Variants in SGCD observed in about 807,000 individuals in gnomAD.
The protein encoded by SGCD is delta-sarcoglycan.
In SGCD, 18 loss-of-function variants were observed where a neutral mutation model predicts 36.6. The observed-to-expected ratio is 0.49, with a 90% CI of 0.34 to 0.73. The LOEUF (loss-of-function observed/expected upper bound fraction) is 0.73, where lower values mean the gene tolerates loss of function less well. SGCD is among the 30% of genes least tolerant of loss of function. The pLI is 0.01. For missense variants in SGCD, 387 were observed against 346.7 expected, an observed-to-expected ratio of 1.12 and a Z score of -0.92; for synonymous variants, 133 against 130.6, an observed-to-expected ratio of 1.02 and a Z score of -0.12.
chr5:155,782,454 T>C, the SGCD span, among the ~76,000 whole-genome samples: 1 of 152,084 alleles, frequency 6.6e-6, no homozygotes, highest in Non-Finnish European at 1.5e-5. Flanking sequence ...CCTAAATCAC[T>C]CCTAAACCTC....
chr5:155,837,078 G>A, the SGCD span, among the ~76,000 whole-genome samples: 1 of 152,162 alleles, frequency 6.6e-6, no homozygotes, highest in Non-Finnish European at 1.5e-5. Context: ...TATTGTTTGT[G>A]ACATGTTATT....
the SGCD span, among the ~76,000 whole-genome samples, chr5:155,820,610 T>A: frequency 1.3e-5 from 2 of 152,132 alleles, no homozygotes; most frequent in African/African-American, 4.8e-5. Context: ...GGTGGGAGGA[T>A]AGCTTGAGCC....
chr5:155,829,132 G>T, the SGCD span, among the ~76,000 whole-genome samples: 2 of 152,032 alleles, frequency 1.3e-5, no homozygotes, highest in East Asian at 1.9e-4. Flanking sequence ...TAATCAAGAG[G>T]TGAAAAAAAG....
rs115599128 is a variant in SGCD at position 156,487,110 on chromosome 5, C to T, written c.193-21491C>T. Among the ~76,000 whole-genome samples the T allele has an allele frequency of 4.6e-3, 694 of 152,186 alleles. 4 individuals are homozygous for T. The highest frequency in any genetic ancestry group is 0.016 in the African/African-American group (655 of 41,498). On this transcript the variant is annotated intron_variant, in intron 3 of 8. Coordinates refer to ENST00000337851, the MANE Select transcript of SGCD (RefSeq NM_000337.6). ...CTGCCAGGAACCCGAAGATGCATAC[C>T]CAGCCTGCTGCCATGATTATAAGTG...
intron 3 of SGCD, among the ~76,000 whole-genome samples, chr5:156,469,622 C>A (rs554739988): frequency 6.6e-6 from 1 of 152,328 alleles, no homozygotes; most frequent in East Asian, 1.9e-4. Context: ...ACGCATTTAT[C>A]TTTTCCAGTA....
chr5:156,107,372 G>A (rs543920805), intron 1 of SGCD, among the ~76,000 whole-genome samples: 1 of 152,184 alleles, frequency 6.6e-6, no homozygotes, highest in African/African-American at 2.4e-5. Flanking sequence ...GAAGGTTCAC[G>A]GAACCCCTAG....
At chr5:156,494,982 G>A (rs572833174) in intron 3 of SGCD, among the ~76,000 whole-genome samples, 2 of 152,144 alleles carry the variant, frequency 1.3e-5, no homozygotes, top group South Asian at 4.2e-4. Flanking sequence ...CTTCTTTAGG[G>A]CGCTTTATAG....
intron 3 of SGCD, among the ~76,000 whole-genome samples, chr5:156,196,220 C>G (rs979934491): frequency 2.0e-5 from 3 of 152,160 alleles, no homozygotes; most frequent in African/African-American, 7.2e-5. Flanking sequence ...ATCCACTTCT[C>G]TATATTAAAT....
chr5:156,457,321 G>A (rs1561708204), intron 3 of SGCD, among the ~76,000 whole-genome samples: 2 of 152,102 alleles, frequency 1.3e-5, no homozygotes, highest in Admixed American at 6.6e-5. Context: ...ATATAAAAGG[G>A]CAACTTGACA....
intron 3 of SGCD, among the ~76,000 whole-genome samples, chr5:156,230,231 AT>A (rs1191806616): frequency 6.6e-6 from 1 of 151,936 alleles, no homozygotes; most frequent in Non-Finnish European, 1.5e-5. Flanking sequence ...GCTAGTGGTG[AT>A]TTTTTGTGGA....
chr5:155,766,481 C>G, the SGCD span, among the ~76,000 whole-genome samples: 2 of 151,996 alleles, frequency 1.3e-5, no homozygotes, highest in African/African-American at 2.4e-5. Context: ...TCAATCAAAT[C>G]CAATATTGAG....
intron 3 of SGCD, among the ~76,000 whole-genome samples, chr5:156,188,439 G>C (rs1581156862): frequency 6.6e-6 from 1 of 152,152 alleles, no homozygotes; most frequent in African/African-American, 2.4e-5. Context: ...GGAGGTCTCA[G>C]GCTAGTTCTA....
At chr5:156,626,094 A>C (rs1329767830) in intron 6 of SGCD, among the ~76,000 whole-genome samples, 1 of 152,156 alleles carries the variant, frequency 6.6e-6, no homozygotes, top group African/African-American at 2.4e-5. Context: ...GGGATGCTAC[A>C]CAGCATCCTA....
At chr5:156,487,129 A>C (rs1755709573) in intron 3 of SGCD, among the ~76,000 whole-genome samples, 1 of 152,202 alleles carries the variant, frequency 6.6e-6, no homozygotes. Context: ...TGCCATGATT[A>C]TAAGTGTTTG....
intron 3 of SGCD, among the ~76,000 whole-genome samples, chr5:156,282,639 T>G (rs1766483168): frequency 6.6e-6 from 1 of 152,198 alleles, no homozygotes; most frequent in South Asian, 2.1e-4. Flanking sequence ...GATCCTTAAT[T>G]GAATAATTAC....
At chr5:155,779,994 T>C in the SGCD span, among the ~76,000 whole-genome samples, 1 of 152,202 alleles carries the variant, frequency 6.6e-6, no homozygotes, top group African/African-American at 2.4e-5. Flanking sequence ...TTTTAACAAT[T>C]TTAAAAGGAC....
chr5:156,309,049 C>T (rs10071613), intron 3 of SGCD, among the ~76,000 whole-genome samples: 13,181 of 152,056 alleles, frequency 0.087, 593 homozygotes, highest in South Asian at 0.19. Context: ...GGCACATTAC[C>T]TCTCTATTGC....
chr5:155,840,411 AT>A, the SGCD span, among the ~76,000 whole-genome samples: 359 of 138,898 alleles, frequency 2.6e-3, 3 homozygotes, highest in South Asian at 0.013. Flanking sequence ...GCCCAGCTAA[AT>A]TTTTTTTTTT....
intron 6 of SGCD, among the ~76,000 whole-genome samples, chr5:156,642,048 G>A (rs1264913676): frequency 1.3e-5 from 2 of 152,144 alleles, no homozygotes; most frequent in Admixed American, 6.5e-5. Flanking sequence ...GCATGGTCAG[G>A]TTTGGTGGGG....
Sources: allele counts gnomAD v4.1 joint callset (sites outside exome capture counted in the v4.1 genomes callset), GRCh38; gene constraint gnomAD v4.1.1; transcripts MANE v1.5; gene names NCBI Gene and HGNC (gene_info 2026-07-23, HGNC 2026-07-21).